MYO3B: variants seen among roughly 807,000 people sequenced by gnomAD.
MYO3B encodes myosin-IIIb.
MYO3B carries 156 observed loss-of-function variants against 174.6 expected under a neutral mutation model. The ratio of observed to expected loss-of-function variants is 0.89; its 90% confidence interval spans 0.78 to 1.02. The LOEUF is 1.02. Ranked by LOEUF, MYO3B falls within the 50% of genes least tolerant of loss-of-function variation. MYO3B has a pLI of 0.00. For synonymous variants in MYO3B, 563 were observed against 569.1 expected (o/e 0.99, Z 0.15); for missense variants, 1,632 against 1,639.4 (o/e 1.00, Z 0.08).
intron 32 of MYO3B, among the ~76,000 whole-genome samples, chr2:170,598,065 A>G (rs2106336849): frequency 6.6e-6 from 1 of 152,248 alleles, no homozygotes; most frequent in East Asian, 1.9e-4. Flanking sequence ...GGCAACGAAC[A>G]GATCCCAAAA....
chr2:170,520,246 C>T (rs1273964570), intron 30 of MYO3B, among the ~76,000 whole-genome samples: 1 of 151,976 alleles, frequency 6.6e-6, no homozygotes, highest in Non-Finnish European at 1.5e-5. Context: ...GACAAAGCCT[C>T]CCCGCAGCAA....
chr2:170,625,088 A>G (rs903132726), intron 32 of MYO3B, among the ~76,000 whole-genome samples: 6 of 152,142 alleles, frequency 3.9e-5, no homozygotes, highest in South Asian at 2.1e-4. Flanking sequence ...CATAAAATGA[A>G]TTAGGGAGGA....
intron 6 of MYO3B, among the ~76,000 whole-genome samples, chr2:170,230,827 C>T (rs2093007757): frequency 6.6e-6 from 1 of 152,052 alleles, no homozygotes; most frequent in Admixed American, 6.6e-5. Context: ...ATAAGCAGTG[C>T]TTCGGATGAG....
chr2:170,590,892 A>T (rs901800636), intron 32 of MYO3B, among the ~76,000 whole-genome samples: 4 of 152,120 alleles, frequency 2.6e-5, no homozygotes, highest in African/African-American at 9.7e-5. Flanking sequence ...AATACTCTAC[A>T]CTCACAGTCT....
intron 7 of MYO3B, among the ~76,000 whole-genome samples, chr2:170,287,136 C>T (rs2093562430): frequency 6.6e-6 from 1 of 152,108 alleles, no homozygotes; most frequent in Non-Finnish European, 1.5e-5. Context: ...CATTGATGAG[C>T]ACTTAGCTTG....
chr2:170,528,860 G>A (rs541832489), intron 30 of MYO3B, among the ~76,000 whole-genome samples: 8 of 152,284 alleles, frequency 5.3e-5, no homozygotes, highest in African/African-American at 9.6e-5. Flanking sequence ...GGACATGAAC[G>A]TTTATGTTTA....
intron 7 of MYO3B, among the ~76,000 whole-genome samples, chr2:170,324,085 C>A (rs573703426): frequency 2.6e-5 from 4 of 152,052 alleles, no homozygotes; most frequent in Non-Finnish European, 5.9e-5. Flanking sequence ...CTATGTTGGG[C>A]GAAATCCTAG....
chr2:170,415,769 C>G (rs60384579), intron 22 of MYO3B, among the ~76,000 whole-genome samples: 16,489 of 152,172 alleles, frequency 0.11, 1,537 homozygotes, highest in East Asian at 0.51. Context: ...TCTACTTGTA[C>G]GCAGCATCCC....
intron 30 of MYO3B, among the ~76,000 whole-genome samples, chr2:170,542,064 C>A (rs1370199897): frequency 6.6e-6 from 1 of 151,648 alleles, no homozygotes; most frequent in African/African-American, 2.4e-5. Flanking sequence ...AAACTAGGAC[C>A]CCGAATACTA....
At chr2:170,491,614 A>G (rs1686483978) in intron 25 of MYO3B, among the ~76,000 whole-genome samples, 1 of 152,184 alleles carries the variant, frequency 6.6e-6, no homozygotes, top group South Asian at 2.1e-4. Context: ...TTTAGTAGAG[A>G]CGGGGTTTCA....
At chr2:170,546,290 A>G (rs930270544) in intron 32 of MYO3B, among the ~76,000 whole-genome samples, 2 of 152,204 alleles carry the variant, frequency 1.3e-5, no homozygotes, top group Non-Finnish European at 2.9e-5. Context: ...ATGTCTTCCC[A>G]TTTATGAGTT....
intron 25 of MYO3B, among the ~76,000 whole-genome samples, chr2:170,476,349 A>C (rs1171661930): frequency 6.6e-6 from 1 of 152,194 alleles, no homozygotes; most frequent in Non-Finnish European, 1.5e-5. Flanking sequence ...GCCTTTTCCC[A>C]AGGGTAGTGG....
At chr2:170,354,554 A>G (rs1362254019) in intron 8 of MYO3B, among the ~76,000 whole-genome samples, 1 of 152,180 alleles carries the variant, frequency 6.6e-6, no homozygotes, top group Admixed American at 6.5e-5. Context: ...AACCATTCAG[A>G]AACCCATGCA....
At chr2:170,388,718 A>G (rs753074619) in intron 14 of MYO3B, among the ~76,000 whole-genome samples, 81 of 152,314 alleles carry the variant, frequency 5.3e-4, no homozygotes, top group Non-Finnish European at 9.0e-4. Context: ...ACGCTGGCCT[A>G]GACTAAGGCG....
intron 7 of MYO3B, among the ~76,000 whole-genome samples, chr2:170,333,396 C>T (rs1375743809): frequency 6.6e-6 from 1 of 152,184 alleles, no homozygotes; most frequent in Non-Finnish European, 1.5e-5. Context: ...TCTGATCCAG[C>T]AGAAGGGGGA....
chr2:170,267,997 C>A (rs776425175), intron 7 of MYO3B, among the ~76,000 whole-genome samples: 3 of 152,094 alleles, frequency 2.0e-5, no homozygotes, highest in Non-Finnish European at 4.4e-5. Flanking sequence ...TACCTGAGGT[C>A]AGGAGTTCGA....
intron 22 of MYO3B, among the ~76,000 whole-genome samples, chr2:170,432,759 T>G (rs2094721445): frequency 6.6e-6 from 1 of 152,014 alleles, no homozygotes; most frequent in African/African-American, 2.4e-5. Flanking sequence ...GTATTTTTAG[T>G]AGAGACAGGG....
At chr2:170,216,915 A>G (rs952712798) in intron 5 of MYO3B, among the ~76,000 whole-genome samples, 2 of 152,074 alleles carry the variant, frequency 1.3e-5, no homozygotes, top group Non-Finnish European at 2.9e-5. Context: ...AATGATTTAA[A>G]TAGAGTGATA....
chr2:170,533,052 C>T (rs1439828240), intron 30 of MYO3B, among the ~76,000 whole-genome samples: 2 of 152,120 alleles, frequency 1.3e-5, no homozygotes, highest in Non-Finnish European at 2.9e-5. Context: ...CCACTTCTTG[C>T]CCTTTAGACA....
Sources: gnomAD v4.1 joint callset for allele counts (sites outside exome capture counted in the v4.1 genomes callset) on GRCh38, gnomAD v4.1.1 for gene constraint, MANE v1.5 for transcripts, NCBI Gene and HGNC (gene_info 2026-07-23, HGNC 2026-07-21) for gene names.